FERMT1: variants seen among roughly 807,000 people sequenced by gnomAD.
FERMT1 encodes the protein fermitin family homolog 1.
Under a neutral mutation model 85.3 loss-of-function variants are expected in FERMT1, and 60 were observed. That is an observed-to-expected ratio of 0.70 (90% CI 0.57 to 0.87). The LOEUF is 0.87. Ranked by LOEUF, FERMT1 falls within the 40% of genes least tolerant of loss-of-function variation. The pLI, the probability that FERMT1 is intolerant of heterozygous loss-of-function variation, is 0.00. For missense variants in FERMT1, 701 were observed against 818.9 expected, an observed-to-expected ratio of 0.86 and a Z score of 1.76; for synonymous variants, 275 against 301.1, an observed-to-expected ratio of 0.91 and a Z score of 0.90.
chr20:6,099,231 C>T (rs1378061307), intron 6 of FERMT1, among the ~76,000 whole-genome samples: 6 of 151,798 alleles, frequency 4.0e-5, no homozygotes, highest in African/African-American at 7.3e-5. Flanking sequence ...GGTGAAACCC[C>T]GTCTCTACTA....
At chr20:6,119,871 C>T (rs1211938706) in intron 1 of FERMT1, among the ~76,000 whole-genome samples, 1 of 152,214 alleles carries the variant, frequency 6.6e-6, no homozygotes, top group African/African-American at 2.4e-5. Flanking sequence ...CTTCAATCCT[C>T]ATTTTCTCTC....
intron 11 of FERMT1, among the ~76,000 whole-genome samples, chr20:6,086,366 C>T (rs887849194): frequency 3.9e-5 from 6 of 152,176 alleles, no homozygotes; most frequent in African/African-American, 1.4e-4. Flanking sequence ...CAATCATGGC[C>T]ATTATGGGAT....
intron 9 of FERMT1, among the ~76,000 whole-genome samples, chr20:6,092,867 G>A (rs909281673): frequency 1.3e-5 from 2 of 152,038 alleles, no homozygotes; most frequent in African/African-American, 2.4e-5. Context: ...TGTGGCTGAT[G>A]CTGCGTTTGT....
At chr20:6,091,980 A>G (rs1199217971) in intron 9 of FERMT1, among the ~76,000 whole-genome samples, 1 of 147,306 alleles carries the variant, frequency 6.8e-6, no homozygotes, top group African/African-American at 2.5e-5. Flanking sequence ...TCTGTTGCCC[A>G]GACTGGGTGG....
In FERMT1 at chr20:6,077,093, G is replaced by T; in HGVS notation, c.*80C>A. 1 of 1,387,628 alleles carries T rather than the reference G, an allele frequency of 7.2e-7. No individual in the cohort carries two copies. Among genetic ancestry groups the T allele is most frequent in the Non-Finnish European group, 1.0e-6 (1 of 975,504 alleles). The allele number at this position is 1,387,628 out of a possible 1,614,324, so 86.0% of individuals were successfully genotyped here. A position where few individuals can be genotyped will look rare whatever the true frequency, so the allele number is the denominator to read the frequency against. On this transcript the variant is annotated 3_prime_UTR_variant, in exon 15 of 15. Transcript: ENST00000217289. ...TTGTCTGTTAGTCCAGAATCTACAT[G>T]CTGGGCACGTTAGGGATCCCTCTGG...
At chr20:6,077,636 TCTCC>T (rs1981866732) in intron 14 of FERMT1, among the ~76,000 whole-genome samples, 1 of 152,184 alleles carries the variant, frequency 6.6e-6, no homozygotes, top group African/African-American at 2.4e-5. Context: ...GCACTCTCTG[TCTCC>T]CTGTGTTGAG....
chr20:6,090,176 G>A (rs1437446923), intron 9 of FERMT1, among the ~76,000 whole-genome samples: 2 of 152,126 alleles, frequency 1.3e-5, no homozygotes, highest in East Asian at 1.9e-4. Context: ...CCTGGTTCAA[G>A]GGGTTCTCCT....
At chr20:6,079,052 G>A (rs546390880) in intron 14 of FERMT1, among the ~76,000 whole-genome samples, 4 of 152,332 alleles carry the variant, frequency 2.6e-5, no homozygotes, top group African/African-American at 9.6e-5. Context: ...CCAGTCAGAT[G>A]AGGCTTTTTT....
At chr20:6,122,089 T>C (rs1983292537) in intron 1 of FERMT1, among the ~76,000 whole-genome samples, 1 of 152,240 alleles carries the variant, frequency 6.6e-6, no homozygotes, top group African/African-American at 2.4e-5. Context: ...GGCAATCTGA[T>C]ATAAGGTCTT....
At chr20:6,113,454 C>A (rs1352110570) in intron 3 of FERMT1, among the ~76,000 whole-genome samples, 1 of 152,160 alleles carries the variant, frequency 6.6e-6, no homozygotes, top group African/African-American at 2.4e-5. Flanking sequence ...GATCACAGAT[C>A]TTGAACGTCT....
chr20:6,117,946 G>T (rs751572314), intron 2 of FERMT1, among the ~76,000 whole-genome samples: 30 of 152,354 alleles, frequency 2.0e-4, no homozygotes, highest in Middle Eastern at 3.4e-3. Flanking sequence ...ACAGGCGTGA[G>T]CCACTGCTCT....
At chr20:6,101,495 C>A (rs967468903) in intron 6 of FERMT1, among the ~76,000 whole-genome samples, 4 of 152,136 alleles carry the variant, frequency 2.6e-5, no homozygotes, top group African/African-American at 9.7e-5. Context: ...AACACAAAGT[C>A]TTGAAAATCT....
Position 6,076,921 on chromosome 20 carries a change from G to A in FERMT1, c.*252C>T, listed in dbSNP as rs543018135. On this transcript the variant is annotated 3_prime_UTR_variant, in exon 15 of 15. Transcript: ENST00000217289. The stretch of plus-strand genomic sequence containing the variant: ...CATGCTGGGCCTTAGAGCAATCTTA[G>A]GGCACCTGCTTTTCTCCTGCCTACC... The A allele has an allele frequency of 3.7e-6, 2 of 540,164 alleles. No homozygotes were observed. The highest frequency in any genetic ancestry group is 3.8e-5 in the African/African-American group (2 of 52,736). The allele number at this position is 540,164 out of a possible 1,614,324, so 33.5% of individuals were successfully genotyped here. A position where few individuals can be genotyped will look rare whatever the true frequency, so the allele number is the denominator to read the frequency against.
chr20:6,101,720 T>C (rs1212841532), intron 6 of FERMT1, among the ~76,000 whole-genome samples: 3 of 152,222 alleles, frequency 2.0e-5, no homozygotes, highest in African/African-American at 7.2e-5. Flanking sequence ...TGGCGCGATC[T>C]CAGCTCACTG....
chr20:6,098,180 T>C (rs2208078), intron 6 of FERMT1, among the ~76,000 whole-genome samples: 11,794 of 152,192 alleles, frequency 0.077, 1,033 homozygotes, highest in East Asian at 0.47. Flanking sequence ...TCCATTATTT[T>C]CTCTCTCTTT....
chr20:6,087,990 C>T (rs1418272831), intron 10 of FERMT1, 107 bp from the exon 11 acceptor site: 1 of 747,780 alleles, frequency 1.3e-6, no homozygotes, highest in Middle Eastern at 2.3e-4. Context: ...CTCAGATTTG[C>T]TTTGGTTTTG....
At chr20:6,102,607 G>T (rs1464994934) in intron 6 of FERMT1, among the ~76,000 whole-genome samples, 1 of 149,644 alleles carries the variant, frequency 6.7e-6, no homozygotes, top group Non-Finnish European at 1.5e-5. Context: ...AACCTGGGAG[G>T]CAGAGGTTGC....
At chr20:6,095,069 A>G (rs146652231) in intron 8 of FERMT1, 81 bp from the exon 9 acceptor site, 24 of 793,896 alleles carry the variant, frequency 3.0e-5, no homozygotes, top group Non-Finnish European at 2.5e-5. Context: ...CTAATATGGC[A>G]GTCCCTTGCT....
chr20:6,110,318 A>G lies in FERMT1; in HGVS notation c.726T>C (p.Asp242=). The change falls in exon 5 of 15, where the codon GAT becomes GAC. Residue 242 remains aspartate, a synonymous_variant. Coordinates refer to ENST00000217289, the MANE Select transcript of FERMT1 (RefSeq NM_017671.5). ...CTTACCCTGCATTGAGCTTGGCTTT[A>G]TCAACCAGAGACCGAGGCTGGTACA... ...ADMYQPRSLV[D]KAKLNAGWLD... is the part of the protein sequence containing the mutation. The G allele has an allele frequency of 6.2e-7, 1 of 1,613,034 alleles. No individual in the cohort carries two copies. Among genetic ancestry groups the G allele is most frequent in the South Asian group, 1.1e-5 (1 of 91,030 alleles).
Sources: allele counts gnomAD v4.1 joint callset (sites outside exome capture counted in the v4.1 genomes callset), GRCh38; gene constraint gnomAD v4.1.1; transcripts MANE v1.5; gene names NCBI Gene and HGNC (gene_info 2026-07-23, HGNC 2026-07-21).